Variants in NR3C1 observed in about 807,000 individuals in gnomAD.
NR3C1 encodes glucocorticoid receptor.
In NR3C1, 14 loss-of-function variants were observed where a neutral mutation model predicts 74.0. The observed-to-expected ratio is 0.19, with a 90% confidence interval of 0.12 to 0.30. The LOEUF (loss-of-function observed/expected upper bound fraction) is 0.30. NR3C1 is among the 10% of genes least tolerant of loss of function. The pLI, the probability that NR3C1 is intolerant of heterozygous loss-of-function variation, is 1.00. For missense variants in NR3C1, 695 were observed against 909.8 expected, an observed-to-expected ratio of 0.76 and a Z score of 3.04; for synonymous variants, 308 against 332.5, an observed-to-expected ratio of 0.93 and a Z score of 0.80.
intron 2 of NR3C1, among the ~76,000 whole-genome samples, chr5:143,366,344 A>C (rs2151837748): frequency 6.6e-6 from 1 of 152,204 alleles, no homozygotes; most frequent in African/African-American, 2.4e-5. Context: ...CCCCGTCTCT[A>C]CTAAAAATAT....
In NR3C1 at chr5:143,424,060, T is replaced by G. The variant is rs1231723196; in HGVS notation, c.-14+10472A>C. Among the ~76,000 whole-genome samples the G allele has an allele frequency of 0.013, 117 of 8,848 alleles. 4 individuals are homozygous for G. The South Asian group carries it at 0.26, about 20-fold the overall frequency. The allele number at this position is 8,848 out of a possible 152,430, so 5.8% of individuals were successfully genotyped here. On this transcript the variant is annotated intron_variant, in intron 1 of 8. Transcript: ENST00000343796. ...GGGAACATCACACTCTGGGGACTGTTGTGGGGTGTGGGGAGGGGGGAGGGA... is the reference window on the plus strand; with the variant it reads ...GGGAACATCACACTCTGGGGACTGTGGTGGGGTGTGGGGAGGGGGGAGGGA...
At chr5:143,403,727 C>T, upstream of NR3C1, 1 of 985,058 alleles carries the variant, frequency 1.0e-6, no homozygotes, top group South Asian at 4.7e-5. Flanking sequence ...GCTCCCACTC[C>T]ACCCCCGGCC....
At chr5:143,319,695 A>C (rs1241856546) in intron 2 of NR3C1, among the ~76,000 whole-genome samples, 1 of 152,200 alleles carries the variant, frequency 6.6e-6, no homozygotes, top group Non-Finnish European at 1.5e-5. Context: ...ACCAGCCTAC[A>C]AGGCACAGGA....
intron 6 of NR3C1, among the ~76,000 whole-genome samples, chr5:143,296,257 G>GC: frequency 6.6e-6 from 1 of 151,640 alleles, no homozygotes; most frequent in South Asian, 2.1e-4. Context: ...CCAGTTCACA[G>GC]CTTTTAAAAT....
At chr5:143,397,753 C>A (rs1203749647) in intron 2 of NR3C1, among the ~76,000 whole-genome samples, 1 of 151,638 alleles carries the variant, frequency 6.6e-6, no homozygotes, top group Non-Finnish European at 1.5e-5. Context: ...GGTTATGGGA[C>A]CCAAATTAAA....
chr5:143,355,818 G>C (rs1327638243), intron 2 of NR3C1, among the ~76,000 whole-genome samples: 1 of 152,090 alleles, frequency 6.6e-6, no homozygotes, highest in East Asian at 1.9e-4. Context: ...TTAATAATTA[G>C]TACAGTTGTG....
chr5:143,405,118 G>C (rs1224320796), upstream of NR3C1: 3 of 985,498 alleles, frequency 3.0e-6, no homozygotes, highest in Admixed American at 6.1e-5. Flanking sequence ...GCGTCGGGAA[G>C]GCTTGGACGA....
chr5:143,287,441 AAC>A (rs1241565558), intron 7 of NR3C1, among the ~76,000 whole-genome samples: 1 of 152,144 alleles, frequency 6.6e-6, no homozygotes, highest in East Asian at 1.9e-4. Context: ...ATTTCATAGA[AAC>A]ACACAAATTA....
chr5:143,295,387 T>A, intron 7 of NR3C1, 73 bp downstream of exon 7: 1 of 1,586,374 alleles, frequency 6.3e-7, no homozygotes, highest in Non-Finnish European at 8.6e-7. Context: ...GTACTATGTA[T>A]ATAAATTAAC....
exon 1 of NR3C1, chr5:143,434,656 G>T (rs1417896632): frequency 3.0e-6 from 3 of 985,382 alleles, no homozygotes; most frequent in Non-Finnish European, 3.6e-6. Flanking sequence ...GCTGCATTTT[G>T]TTCCTCCCCA....
chr5:143,309,098 G>A (rs1165976229), intron 4 of NR3C1, among the ~76,000 whole-genome samples: 7 of 142,374 alleles, frequency 4.9e-5, no homozygotes, highest in African/African-American at 1.8e-4. Flanking sequence ...TTTCCAAGAC[G>A]GAGTCTTGCT....
At chr5:143,409,662 TTGAA>T (rs1841230466) in intron 1 of NR3C1, among the ~76,000 whole-genome samples, 1 of 152,214 alleles carries the variant, frequency 6.6e-6, no homozygotes, top group Non-Finnish European at 1.5e-5. Context: ...CAGCTGAGCT[TTGAA>T]TGAGCCATCT....
intron 7 of NR3C1, among the ~76,000 whole-genome samples, chr5:143,283,448 T>TGTCTGCC: frequency 6.6e-6 from 1 of 152,346 alleles, no homozygotes; most frequent in East Asian, 1.9e-4. Flanking sequence ...GATTTTTAGT[T>TGTCTGCC]AACTTTGTCT....
chr5:143,428,259 T>C (rs1751636142), intron 1 of NR3C1, among the ~76,000 whole-genome samples: 1 of 152,180 alleles, frequency 6.6e-6, no homozygotes, highest in African/African-American at 2.4e-5. Context: ...TGCCATCTCA[T>C]TCAGGAGCTT....
At chr5:143,380,860 GA>G in intron 2 of NR3C1, among the ~76,000 whole-genome samples, 1 of 152,182 alleles carries the variant, frequency 6.6e-6, no homozygotes, top group African/African-American at 2.4e-5. Flanking sequence ...ACTGAATGGG[GA>G]AAAACTGAAA....
intron 1 of NR3C1, among the ~76,000 whole-genome samples, chr5:143,422,516 C>A (rs532434364): frequency 1.3e-5 from 2 of 152,118 alleles, no homozygotes; most frequent in Admixed American, 6.6e-5. Context: ...GGAGGTGGAA[C>A]CTTTGGGAGG....
intron 2 of NR3C1, among the ~76,000 whole-genome samples, chr5:143,318,042 A>T (rs956325010): frequency 1.3e-5 from 2 of 152,074 alleles, no homozygotes; most frequent in Non-Finnish European, 2.9e-5. Context: ...CCATTCCCTT[A>T]TTAGTGCCAT....
At chr5:143,417,426 G>A (rs1286051045) in intron 1 of NR3C1, among the ~76,000 whole-genome samples, 1 of 152,068 alleles carries the variant, frequency 6.6e-6, no homozygotes, top group African/African-American at 2.4e-5. Context: ...TTAGGAGCTT[G>A]AAATAGACTT....
In NR3C1 at chr5:143,416,182, T is replaced by G. The variant is rs1052352912; in HGVS notation, c.-13-15330A>C. Among the ~76,000 whole-genome samples the G allele has an allele frequency of 2.6e-5, 4 of 152,164 alleles. 1 individual carries two copies. The highest frequency in any genetic ancestry group is 2.0e-4 in the Admixed American group (3 of 15,266). On this transcript the variant is annotated intron_variant, in intron 1 of 8. Transcript: ENST00000343796. ...TTGCCAAGTATCCCCTCTCCACATA[T>G]GATACTAGGACCTAACATTTCCTTT...
Sources: gnomAD v4.1 joint callset for allele counts (sites outside exome capture counted in the v4.1 genomes callset) on GRCh38, gnomAD v4.1.1 for gene constraint, MANE v1.5 for transcripts, NCBI Gene and HGNC (gene_info 2026-07-23, HGNC 2026-07-21) for gene names.